The following HCN4 variants were observed in gnomAD, a reference collection of about 807,000 sequenced individuals.
HCN4 encodes hyperpolarization activated cyclic nucleotide gated potassium channel 4, also known as potassium/sodium hyperpolarization-activated cyclic nucleotide-gated channel 4.
HCN4 carries 29 observed loss-of-function variants against 76.9 expected under a neutral mutation model. The observed-to-expected ratio is 0.38, with a 90% CI of 0.28 to 0.51. The LOEUF (loss-of-function observed/expected upper bound fraction) is 0.51, where lower values mean the gene tolerates loss of function less well. Among genes scored for constraint, HCN4 ranks in the 20% least tolerant of loss-of-function variants. The probability of loss-of-function intolerance (pLI) is 0.90; values close to 1 mark genes in which losing one functional copy is unlikely to be tolerated. For missense variants in HCN4, 1,416 were observed against 1,715.2 expected (o/e 0.83, Z 3.08); for synonymous variants, 772 against 762.5 (o/e 1.01, Z -0.21).
intron 2 of HCN4, among the ~76,000 whole-genome samples, chr15:73,333,319 G>A (rs1023158509): frequency 2.6e-5 from 4 of 152,178 alleles, no homozygotes; most frequent in Non-Finnish European, 5.9e-5. Context: ...ACTTTGAAGT[G>A]GGTCTAGCCA....
Position 73,332,500 on chromosome 15 carries a change from A to G in HCN4, c.1210-208T>C, listed in dbSNP as rs560324696. The stretch of plus-strand genomic sequence containing the variant: ...AAGACTGTAGGCTGCAGGGTCCCAG[A>G]GGGACATCTCCTGGCATCTATACAG... On this transcript the variant is annotated intron_variant, in intron 2 of 7. Coordinates refer to ENST00000261917, the MANE Select transcript of HCN4 (RefSeq NM_005477.3). Among the ~76,000 whole-genome samples the G allele has an allele frequency of 1.1e-4, 17 of 152,296 alleles. No homozygotes were observed. In the South Asian group the frequency reaches 3.5e-3, roughly 32 times the overall value.
At position 73,343,862 on chromosome 15, in the gene HCN4, G is replaced by T; in HGVS notation, c.786-54C>A. ...AGGAAGAGAGAGAGGACAAGTTACA[G>T]ACTAAGGGAGGAAGATCTGAGGGAC... is the stretch of plus-strand genomic sequence containing the variant. On this transcript the variant is annotated intron_variant, in intron 1 of 7. Coordinates refer to ENST00000261917, the MANE Select transcript of HCN4 (RefSeq NM_005477.3). The surrounding 1 kb of genome is among the most constrained non-coding windows in gnomAD (Gnocchi z 5.7). 1 of 1,575,908 alleles carries T rather than the reference G, an allele frequency of 6.3e-7. No individual in the cohort carries two copies. Among genetic ancestry groups the T allele is most frequent in the South Asian group, 1.1e-5 (1 of 90,238 alleles).
At chr15:73,331,441 G>A (rs3784801) in intron 3 of HCN4, among the ~76,000 whole-genome samples, 47,019 of 152,026 alleles carry the variant, frequency 0.31, 8,933 homozygotes, top group Admixed American at 0.44. Flanking sequence ...CCTTGAAGGC[G>A]TCTGTTTTCT....
At chr15:73,352,162 G>GT (rs2043057692) in intron 1 of HCN4, among the ~76,000 whole-genome samples, 1 of 152,244 alleles carries the variant, frequency 6.6e-6, no homozygotes, top group African/African-American at 2.4e-5. Flanking sequence ...CTTTTATACG[G>GT]TAGGTCCTCA....
rs1485122018 is a variant in HCN4, at chr15:73,343,490, G to A, written c.1104C>T (p.Tyr368=). 2 of 1,614,220 alleles carry A rather than the reference G, an allele frequency of 1.2e-6. No individual in the cohort carries two copies. Among genetic ancestry groups the A allele is most frequent in the Admixed American group, 1.7e-5 (1 of 60,032 alleles). Residue 368 remains tyrosine, a synonymous_variant, in exon 2 of 8, where the codon TAC becomes TAT. Transcript: ENST00000261917. This position sits in a 1 kb window ranked among gnomAD's most constrained non-coding sequence, Gnocchi z 5.7. ...CAATGCGCAGGGCCCGGGCAGTCTT[G>A]TAGACCTCCGAGTCGATGCGTGTCT... ...IVETRIDSEV[Y]KTARALRIVR...
At chr15:73,339,363 C>T (rs1295478185) in intron 2 of HCN4, among the ~76,000 whole-genome samples, 2 of 152,312 alleles carry the variant, frequency 1.3e-5, no homozygotes, top group Non-Finnish European at 2.9e-5. Context: ...CTCCTGGGGG[C>T]CTGGTCTGGG....
At chr15:73,350,543 C>A (rs1334857940) in intron 1 of HCN4, among the ~76,000 whole-genome samples, 6 of 152,208 alleles carry the variant, frequency 3.9e-5, no homozygotes, top group African/African-American at 1.4e-4. Context: ...CCTCTCTCCT[C>A]AAAGCTCTGA....
At chr15:73,360,170 G>A (rs1212004509) in intron 1 of HCN4, among the ~76,000 whole-genome samples, 1 of 152,250 alleles carries the variant, frequency 6.6e-6, no homozygotes, top group Non-Finnish European at 1.5e-5. Flanking sequence ...AGACAGGTAT[G>A]AAGCTAGAGT....
At chr15:73,327,108 C>CTTT (rs975122477) in intron 4 of HCN4, among the ~76,000 whole-genome samples, 5 of 131,122 alleles carry the variant, frequency 3.8e-5, no homozygotes, top group African/African-American at 1.1e-4. Context: ...TTTTCTTTTT[C>CTTT]TTTTTTTTTT....
At chr15:73,360,873 C>T (rs1234819472) in intron 1 of HCN4, among the ~76,000 whole-genome samples, 1 of 152,154 alleles carries the variant, frequency 6.6e-6, no homozygotes. Flanking sequence ...AGCTAAATGG[C>T]ATGAATGACG....
intron 2 of HCN4, among the ~76,000 whole-genome samples, chr15:73,340,486 C>G (rs1016510420): frequency 6.6e-6 from 1 of 152,174 alleles, no homozygotes; most frequent in Non-Finnish European, 1.5e-5. Context: ...CCACCTGCGA[C>G]GGAAACCAGG....
chr15:73,325,279 G>A lies in HCN4; in HGVS notation c.1737+19C>T, dbSNP rs369310342. On this transcript the variant is annotated intron_variant, in intron 5 of 7. Coordinates refer to ENST00000261917, the MANE Select transcript of HCN4 (RefSeq NM_005477.3). The surrounding 1 kb of genome is among the most constrained non-coding windows in gnomAD (Gnocchi z 7.4). ...GGAAGGCCTGGCTCCCCTCCACGCC[G>A]GGCCGCCACACAGCTCACCTCCCGC... 2.2e-5 allele frequency: 35 copies of A among 1,613,972 alleles called. No individual in the cohort carries two copies. The highest frequency in any genetic ancestry group is 1.2e-4 in the Admixed American group (7 of 60,008).
intron 1 of HCN4, among the ~76,000 whole-genome samples, chr15:73,350,750 G>C (rs1046171577): frequency 6.6e-6 from 1 of 151,792 alleles, no homozygotes; most frequent in East Asian, 1.9e-4. Flanking sequence ...TCCTCCCCAG[G>C]GACCTTAATC....
At chr15:73,356,867 T>C (rs1226242475) in intron 1 of HCN4, among the ~76,000 whole-genome samples, 2 of 152,136 alleles carry the variant, frequency 1.3e-5, no homozygotes, top group African/African-American at 4.8e-5. Context: ...GGAGGCCTAT[T>C]ACCAATGGGG....
In HCN4 at chr15:73,321,519, A is replaced by G. The variant is rs1415009175; in HGVS notation, c.*962T>C. ...AAAGTGCGAAACCAGTGCTTGGCAC[A>G]GAGCAGACTCAATAAACAGAAGTTC... On this transcript the variant is annotated 3_prime_UTR_variant, in exon 8 of 8. Coordinates refer to ENST00000261917, the MANE Select transcript of HCN4 (RefSeq NM_005477.3). 6.5e-6 allele frequency: 1 copy of G among 152,678 alleles called. No individual in the cohort carries two copies. The highest frequency in any genetic ancestry group is 2.4e-5 in the African/African-American group (1 of 41,480). The allele number at this position is 152,678 out of a possible 1,614,324, so 9.5% of individuals were successfully genotyped here.
intron 1 of HCN4, among the ~76,000 whole-genome samples, chr15:73,350,977 C>T (rs2043053091): frequency 6.6e-6 from 1 of 152,170 alleles, no homozygotes; most frequent in Admixed American, 6.5e-5. Flanking sequence ...TTGATCTTAG[C>T]CAAAAGGCCG....
chr15:73,360,235 C>T (rs1038047106), intron 1 of HCN4, among the ~76,000 whole-genome samples: 2 of 152,228 alleles, frequency 1.3e-5, no homozygotes, highest in Non-Finnish European at 2.9e-5. Flanking sequence ...TCCCTGTGAA[C>T]CCTCTGGCTG....
At chr15:73,352,412 C>G (rs1008102303) in intron 1 of HCN4, among the ~76,000 whole-genome samples, 3 of 152,138 alleles carry the variant, frequency 2.0e-5, no homozygotes, top group African/African-American at 7.2e-5. Flanking sequence ...CAGCAACAGC[C>G]CTCGGCAGGT....
In HCN4 at chr15:73,343,512, G is replaced by A. The variant is rs1379422735; in HGVS notation, c.1082C>T (p.Thr361Ile). 1.2e-6 allele frequency: 2 copies of A among 1,614,220 alleles called. No homozygotes were observed. The highest frequency in any genetic ancestry group is 1.1e-5 in the South Asian group (1 of 91,078). Reference protein sequence around the residue: ...PVDYIFLIVETRIDSEVYKTA... With the variant: ...PVDYIFLIVEIRIDSEVYKTA... ...CTTGTAGACCTCCGAGTCGATGCGT[G>A]TCTCCACAATGAGGAAGATGTAGTC... Residue 361 changes from threonine (T) to isoleucine (I), a missense_variant, in exon 2 of 8, where the codon ACA (threonine) becomes ATA (isoleucine). Physicochemically the swap from Thr to Ile is moderately conservative, Grantham distance 89. Around this residue, in one of 6 missense-constraint regions of HCN4, gnomAD observed 112 missense variants for 259.9 expected, o/e 0.43. Coordinates refer to ENST00000261917, the MANE Select transcript of HCN4 (RefSeq NM_005477.3). This position sits in a 1 kb window ranked among gnomAD's most constrained non-coding sequence, Gnocchi z 5.7.
Sources: gnomAD v4.1 joint callset for allele counts (sites outside exome capture counted in the v4.1 genomes callset) on GRCh38, gnomAD v4.1.1 for gene constraint, gnomAD v4.1.1 regional missense constraint, Gnocchi (gnomAD v3.1) non-coding constraint, MANE v1.5 for transcripts, NCBI Gene and HGNC (gene_info 2026-07-23, HGNC 2026-07-21) for gene names.